The following SEMA3C variants were observed in gnomAD, a reference collection of about 807,000 sequenced individuals.
The protein encoded by SEMA3C is semaphorin 3C.
SEMA3C carries 47 observed loss-of-function variants against 89.4 expected under a neutral mutation model. The observed-to-expected ratio is 0.53, with a 90% CI of 0.42 to 0.67. The LOEUF is 0.67. Ranked by LOEUF, SEMA3C falls within the 30% of genes least tolerant of loss-of-function variation. The pLI is 0.00. For synonymous variants in SEMA3C, 310 were observed against 320.2 expected (o/e 0.97, Z 0.34); for missense variants, 839 against 929.1 (o/e 0.90, Z 1.26).
At chr7:80,749,900 C>G (rs1161686045) in intron 16 of SEMA3C, among the ~76,000 whole-genome samples, 1 of 152,032 alleles carries the variant, frequency 6.6e-6, no homozygotes, top group Non-Finnish European at 1.5e-5. Context: ...ACCTCCACTG[C>G]CATTATTCTT....
In SEMA3C at chr7:80,744,080, A is replaced by C. The variant is rs1392522964; in HGVS notation, c.*814T>G. On this transcript the variant is annotated 3_prime_UTR_variant, in exon 18 of 18. Coordinates refer to ENST00000265361, the MANE Select transcript of SEMA3C (RefSeq NM_006379.5). ...AATTTGCCACACAGACTAGGGAATA[A>C]GAGAACAAACAGTAATAACTGAGTA... The C allele has an allele frequency of 6.6e-6, 1 of 152,024 alleles. No individual in the cohort carries two copies. Among genetic ancestry groups the C allele is most frequent in the African/African-American group, 2.4e-5 (1 of 41,422 alleles). The allele number at this position is 152,024 out of a possible 1,614,324, so 9.4% of individuals were successfully genotyped here.
At chr7:80,919,102 C>A (rs1792349643), upstream of SEMA3C, 1 of 985,054 alleles carries the variant, frequency 1.0e-6, no homozygotes, top group African/African-American at 1.7e-5. Context: ...TGTCCGATTA[C>A]AGCGCCGCGG....
At chr7:80,815,467 A>C (rs539857381) in intron 5 of SEMA3C, among the ~76,000 whole-genome samples, 1 of 151,452 alleles carries the variant, frequency 6.6e-6, no homozygotes, top group East Asian at 2.0e-4. Context: ...ATGAAGTAAA[A>C]GAGAAAGGAG....
intron 12 of SEMA3C, among the ~76,000 whole-genome samples, chr7:80,778,466 C>T (rs964399849): frequency 9.2e-5 from 14 of 152,272 alleles, no homozygotes; most frequent in African/African-American, 3.4e-4. Flanking sequence ...TGTATGGTCA[C>T]TCAACCTGTT....
chr7:80,879,654 C>T (rs1378950553), intron 2 of SEMA3C, among the ~76,000 whole-genome samples: 1 of 152,150 alleles, frequency 6.6e-6, no homozygotes, highest in Non-Finnish European at 1.5e-5. Context: ...GTATCTTATA[C>T]TTAGCTTATT....
chr7:80,826,319 G>A (rs1448060183), intron 4 of SEMA3C, among the ~76,000 whole-genome samples: 1 of 152,056 alleles, frequency 6.6e-6, no homozygotes, highest in Non-Finnish European at 1.5e-5. Context: ...CAAAATAAAT[G>A]CTTAGACAAC....
At chr7:80,800,966 C>A (rs1207561708) in intron 9 of SEMA3C, 140 bp from the exon 10 acceptor site, 3 of 463,186 alleles carry the variant, frequency 6.5e-6, no homozygotes, top group South Asian at 4.9e-5. Context: ...AATTTGGAAA[C>A]AAATAATGAT....
At chr7:80,828,512 T>C in intron 3 of SEMA3C, 73 bp downstream of exon 3, 2 of 1,234,150 alleles carry the variant, frequency 1.6e-6, no homozygotes, top group Non-Finnish European at 2.2e-6. Flanking sequence ...ATATTATTTT[T>C]TACTTATTTA....
Position 80,824,944 on chromosome 7 carries a change from C to G in SEMA3C, c.327+2481G>C, listed in dbSNP as rs536653998. Among the ~76,000 whole-genome samples, 6 of 152,202 alleles carry G rather than the reference C, an allele frequency of 3.9e-5. No individual in the cohort carries two copies. In the South Asian group the frequency reaches 1.2e-3, roughly 32 times the overall value. The stretch of plus-strand genomic sequence containing the variant: ...TATATATGTCTCACCATATCTAGCA[C>G]ATTGTAAAGACTTAAATGTAAGGAC... On this transcript the variant is annotated intron_variant, in intron 4 of 17. Transcript: ENST00000265361.
At chr7:80,880,839 C>T (rs978201357) in intron 2 of SEMA3C, among the ~76,000 whole-genome samples, 6 of 152,072 alleles carry the variant, frequency 3.9e-5, no homozygotes, top group African/African-American at 1.4e-4. Flanking sequence ...ACAGAAGAAT[C>T]GCTTAAATCC....
intron 4 of SEMA3C, among the ~76,000 whole-genome samples, chr7:80,824,131 A>C (rs2115792548): frequency 6.6e-6 from 1 of 152,318 alleles, no homozygotes; most frequent in South Asian, 2.1e-4. Flanking sequence ...AAAAATCTGA[A>C]GGATTAAGGG....
chr7:80,786,175 T>C (rs1788797694), intron 12 of SEMA3C, among the ~76,000 whole-genome samples: 1 of 152,210 alleles, frequency 6.6e-6, no homozygotes, highest in African/African-American at 2.4e-5. Flanking sequence ...TAAATATTGT[T>C]TTTGAAAATG....
intron 7 of SEMA3C, 119 bp from the exon 8 acceptor site, chr7:80,804,367 T>C: frequency 1.8e-6 from 1 of 568,710 alleles, no homozygotes; most frequent in Non-Finnish European, 2.8e-6. Flanking sequence ...AATTCAACAT[T>C]TACAGGCACA....
At chr7:80,815,130 A>C (rs761418730) in intron 5 of SEMA3C, among the ~76,000 whole-genome samples, 1 of 152,210 alleles carries the variant, frequency 6.6e-6, no homozygotes, top group Non-Finnish European at 1.5e-5. Context: ...CATTAAATGA[A>C]TATTTCTGGA....
chr7:80,913,342 A>C (rs985321810), intron 2 of SEMA3C, among the ~76,000 whole-genome samples: 1 of 152,202 alleles, frequency 6.6e-6, no homozygotes, highest in Non-Finnish European at 1.5e-5. Flanking sequence ...TGGAGGTTGC[A>C]GTGAGCCAAG....
chr7:80,889,963 A>C (rs1791573732), intron 2 of SEMA3C, among the ~76,000 whole-genome samples: 1 of 152,178 alleles, frequency 6.6e-6, no homozygotes, highest in Non-Finnish European at 1.5e-5. Context: ...TTTGATATGT[A>C]GTCTATTATT....
At chr7:80,786,736 T>C (rs1020626243) in intron 12 of SEMA3C, among the ~76,000 whole-genome samples, 4 of 152,342 alleles carry the variant, frequency 2.6e-5, no homozygotes, top group Admixed American at 2.6e-4. Context: ...GACATAGTTA[T>C]GATTTTCAAT....
chr7:80,781,930 C>T (rs1437260291), intron 12 of SEMA3C, among the ~76,000 whole-genome samples: 3 of 152,022 alleles, frequency 2.0e-5, no homozygotes, highest in Non-Finnish European at 4.4e-5. Context: ...CTGCTGAGAG[C>T]CACTAGGTCC....
In SEMA3C at chr7:80,777,105, G is replaced by A. The variant is rs190245733; in HGVS notation, c.1355-11862C>T. ...TATTTTATCTCATTTGGTCTTTAAA[G>A]TAAATCTATAAAGTCTACTTTAAAA... On this transcript the variant is annotated intron_variant, in intron 12 of 17. Coordinates refer to ENST00000265361, the MANE Select transcript of SEMA3C (RefSeq NM_006379.5). Among the ~76,000 whole-genome samples, 334 of 151,244 alleles carry A rather than the reference G, an allele frequency of 2.2e-3. 3 individuals are homozygous for A. The highest frequency in any genetic ancestry group is 6.5e-3 in the African/African-American group (263 of 40,630).
Sources: allele counts gnomAD v4.1 joint callset (sites outside exome capture counted in the v4.1 genomes callset), GRCh38; gene constraint gnomAD v4.1.1; transcripts MANE v1.5; gene names NCBI Gene and HGNC (gene_info 2026-07-23, HGNC 2026-07-21).